The following NEK10 variants were observed in gnomAD, a reference collection of about 807,000 sequenced individuals.
NEK10 encodes serine/threonine-protein kinase Nek10.
In NEK10, 122 loss-of-function variants were observed where a neutral mutation model predicts 159.8. That is an observed-to-expected ratio of 0.76 (90% CI 0.66 to 0.89). NEK10 has a LOEUF of 0.89. Ranked by LOEUF, NEK10 falls within the 40% of genes least tolerant of loss-of-function variation. The pLI is 0.00. For missense variants in NEK10, 1,342 were observed against 1,323.1 expected (o/e 1.01, Z -0.22); for synonymous variants, 466 against 457.1 (o/e 1.02, Z -0.25).
chr3:27,311,837 G>T, intron 8 of NEK10: 4 of 414,916 alleles, frequency 9.6e-6, no homozygotes, highest in East Asian at 4.3e-5. Flanking sequence ...CGCAAAAATA[G>T]ATTTTACCAA....
At chr3:27,162,081 A>T (rs1405547061) in intron 30 of NEK10, among the ~76,000 whole-genome samples, 2 of 152,214 alleles carry the variant, frequency 1.3e-5, no homozygotes, top group Non-Finnish European at 2.9e-5. Flanking sequence ...AGATAGAAAA[A>T]AATATGACTT....
At chr3:27,226,918 C>A (rs1337877468) in intron 23 of NEK10, among the ~76,000 whole-genome samples, 1 of 152,000 alleles carries the variant, frequency 6.6e-6, no homozygotes, top group Admixed American at 6.5e-5. Context: ...AATAACTAAC[C>A]AAGGATTTTT....
At chr3:27,143,561 A>T (rs1392655483) in intron 30 of NEK10, 1 of 670,316 alleles carries the variant, frequency 1.5e-6, no homozygotes, top group Non-Finnish European at 2.7e-6. Flanking sequence ...AATTATTTTT[A>T]TTGAGACCCT....
intron 33 of NEK10, among the ~76,000 whole-genome samples, chr3:27,116,677 C>G (rs1161068268): frequency 6.6e-6 from 1 of 151,930 alleles, no homozygotes; most frequent in African/African-American, 2.4e-5. Flanking sequence ...TCATCATCAT[C>G]TTGTAGAGAT....
In NEK10 at chr3:27,344,327, G is replaced by A. The variant is rs370830759; in HGVS notation, c.307C>T (p.Arg103Cys). Residue 103 changes from arginine to cysteine, a missense_variant, in exon 5 of 36, where the codon CGT becomes TGT. Physicochemically the swap from Arg to Cys is radical, Grantham distance 180. Coordinates refer to ENST00000691995, the MANE Select transcript of NEK10 (RefSeq NM_001394966.1). ...GTAAAGATCTCCTGAAATAGTTTAC[G>A]CTGAGGATGTTTGCTGAAATTTCTC... Reference protein sequence around the residue: ...NERNFSKHPQRKLFQEIFTAL... With the variant: ...NERNFSKHPQCKLFQEIFTAL... 442 of 1,596,842 alleles carry A rather than the reference G, an allele frequency of 2.8e-4. 6 individuals carry two copies. In the East Asian group the frequency reaches 5.2e-3, roughly 19 times the overall value.
chr3:27,180,779 T>A (rs745908675), intron 26 of NEK10, among the ~76,000 whole-genome samples: 11 of 152,274 alleles, frequency 7.2e-5, no homozygotes, highest in Non-Finnish European at 1.3e-4. Context: ...CATTGTCTTT[T>A]GCTTGGCCCA....
intron 1 of NEK10, among the ~76,000 whole-genome samples, chr3:27,359,150 C>A (rs1164524133): frequency 6.8e-6 from 1 of 146,180 alleles, no homozygotes; most frequent in African/African-American, 2.5e-5. Flanking sequence ...TGCAGTGAGC[C>A]GAGACCGTGC....
intron 26 of NEK10, among the ~76,000 whole-genome samples, chr3:27,184,857 T>C (rs377605924): frequency 6.6e-5 from 10 of 152,254 alleles, no homozygotes; most frequent in Middle Eastern, 3.4e-3. Context: ...TAGCAGAGGA[T>C]TGCAGACACA....
chr3:27,162,299 C>A, intron 30 of NEK10: 1 of 1,258,580 alleles, frequency 7.9e-7, no homozygotes, highest in Non-Finnish European at 1.1e-6. Flanking sequence ...CATTTTGTTA[C>A]CATCAAATCG....
chr3:27,146,666 C>G (rs938218175), intron 30 of NEK10, among the ~76,000 whole-genome samples: 1 of 152,180 alleles, frequency 6.6e-6, no homozygotes, highest in Non-Finnish European at 1.5e-5. Context: ...GATGAAGAAT[C>G]TTGAACTCAT....
At chr3:27,202,749 T>A (rs1950164671) in intron 23 of NEK10, among the ~76,000 whole-genome samples, 192 bp from the exon 24 acceptor site, 1 of 152,208 alleles carries the variant, frequency 6.6e-6, no homozygotes. Flanking sequence ...GCATATCAAT[T>A]CCAGCTTAAG....
chr3:27,354,418 C>A (rs2048185815), intron 1 of NEK10, among the ~76,000 whole-genome samples: 1 of 152,172 alleles, frequency 6.6e-6, no homozygotes, highest in African/African-American at 2.4e-5. Context: ...ATAAATGACT[C>A]TTTGGAAATG....
chr3:27,364,111 G>A (rs763536703), intron 1 of NEK10, among the ~76,000 whole-genome samples: 5 of 150,796 alleles, frequency 3.3e-5, no homozygotes, highest in Admixed American at 1.3e-4. Flanking sequence ...TGGAGAGTGC[G>A]GTCTCACTAT....
At chr3:27,311,900 G>A (rs2149596713) in intron 8 of NEK10, 199 bp downstream of exon 8, 1 of 515,954 alleles carries the variant, frequency 1.9e-6, no homozygotes, top group South Asian at 2.8e-5. Flanking sequence ...GCTTTTCAAG[G>A]TAAAGGTTGT....
In NEK10 at chr3:27,174,839, A is replaced by T; in HGVS notation, c.2506-6T>A. The T allele has an allele frequency of 1.3e-6, 2 of 1,565,338 alleles. No individual in the cohort carries two copies. The highest frequency in any genetic ancestry group is 2.4e-5 in the South Asian group (2 of 83,114). Reference sequence around the variant, plus strand: ...CTTGCCTTCTCAAAGGTCTCCTGGAAAGAGAAATTCAGTTTTTCATAGCCT... The same window carrying T: ...CTTGCCTTCTCAAAGGTCTCCTGGATAGAGAAATTCAGTTTTTCATAGCCT... On this transcript the variant is annotated splice_polypyrimidine_tract_variant and splice_region_variant and intron_variant, in intron 26 of 35. Transcript: ENST00000691995.
In NEK10 at chr3:27,202,544, T is replaced by C. The variant is rs988230585; in HGVS notation, c.2104A>G (p.Lys702Glu). 1 of 1,608,864 alleles carries C rather than the reference T, an allele frequency of 6.2e-7. No homozygotes were observed. The highest frequency in any genetic ancestry group is 8.5e-7 in the Non-Finnish European group (1 of 1,177,080). The change falls in exon 24 of 36, where the codon AAG becomes GAG. Residue 702 changes from lysine (K) to glutamate (E), a missense_variant. Transcript: ENST00000691995. ...TILYSCPEVLKSEPYGEKADV... is the reference protein window; with the variant it reads ...TILYSCPEVLESEPYGEKADV... The stretch of plus-strand genomic sequence containing the variant: ...GCCTTCTCCCCATACGGCTCACTCT[T>C]CAGTACCTCGGGGCTGAAGTAAAAT...
At chr3:27,159,199 AT>A (rs1263900960) in intron 30 of NEK10, among the ~76,000 whole-genome samples, 1 of 152,154 alleles carries the variant, frequency 6.6e-6, no homozygotes, top group Non-Finnish European at 1.5e-5. Flanking sequence ...TGTTTTCATC[AT>A]TTCTCAAATA....
intron 32 of NEK10, among the ~76,000 whole-genome samples, chr3:27,129,940 G>A (rs934938311): frequency 6.6e-5 from 10 of 151,920 alleles, no homozygotes; most frequent in Non-Finnish European, 1.5e-5. Flanking sequence ...TAAAGAATAG[G>A]AAGTGTTTTA....
At chr3:27,184,176 ACGTAAGTG>A (rs1948396705) in intron 26 of NEK10, among the ~76,000 whole-genome samples, 4 of 152,184 alleles carry the variant, frequency 2.6e-5, no homozygotes, top group Admixed American at 2.0e-4. Flanking sequence ...TCTGGAGAAA[ACGTAAGTG>A]TTCATCAACA....
Sources: allele counts gnomAD v4.1 joint callset (sites outside exome capture counted in the v4.1 genomes callset), GRCh38; gene constraint gnomAD v4.1.1; transcripts MANE v1.5; gene names NCBI Gene and HGNC (gene_info 2026-07-23, HGNC 2026-07-21).